The following RNPC3 variants were observed in gnomAD, a reference collection of about 807,000 sequenced individuals.
The protein encoded by RNPC3 is RNA binding region (RNP1, RRM) containing 3, also known as RNA-binding region-containing protein 3.
A neutral mutation model predicts 67.5 loss-of-function variants in RNPC3; 48 were observed. The observed-to-expected ratio is 0.71, with a 90% CI of 0.56 to 0.90. The LOEUF is 0.90. Among genes scored for constraint, RNPC3 ranks in the 40% least tolerant of loss-of-function variants. The pLI, the probability that RNPC3 is intolerant of heterozygous loss-of-function variation, is 0.00. For missense variants in RNPC3, 637 were observed against 626.1 expected (o/e 1.02, Z -0.19); for synonymous variants, 239 against 210.3 (o/e 1.14, Z -1.18).
At chr1:103,526,380 G>T in intron 1 of RNPC3, 118 bp downstream of exon 1, 1 of 766,102 alleles carries the variant, frequency 1.3e-6, no homozygotes. Flanking sequence ...TGTGATGAGA[G>T]CTCCCCCATC....
At chr1:103,549,494 G>A (rs959656483) in intron 12 of RNPC3, among the ~76,000 whole-genome samples, 20 of 151,538 alleles carry the variant, frequency 1.3e-4, no homozygotes, top group African/African-American at 4.6e-4. Context: ...TTTCTTTGTT[G>A]CCATCTTTGA....
In RNPC3 at chr1:103,546,960, T is replaced by TC; in HGVS notation, c.1303-16dup. 7.6e-7 allele frequency: 1 copy of TC among 1,321,664 alleles called. No individual in the cohort carries two copies. Among genetic ancestry groups the TC allele is most frequent in the Non-Finnish European group, 1.0e-6 (1 of 968,808 alleles). 81.9% of individuals were successfully genotyped at this position (1,321,664 alleles called of 1,614,324 possible). On this transcript the variant is annotated splice_polypyrimidine_tract_variant and intron_variant, in intron 11 of 14. Coordinates refer to ENST00000423855, the MANE Select transcript of RNPC3 (RefSeq NM_017619.4). ...CCCCTGGCTTTGTTATTTGTCTTTT[T>TC]CTTATTGAAATTCTAGGACCTTAAA...
chr1:103,546,086 TG>T (rs1651237144), intron 10 of RNPC3, 161 bp from the exon 11 acceptor site: 2 of 384,388 alleles, frequency 5.2e-6, no homozygotes, highest in South Asian at 1.1e-4. Flanking sequence ...TTAGTTCATA[TG>T]AAAATGAACT....
intron 13 of RNPC3, chr1:103,551,277 G>A (rs937739880): frequency 6.0e-6 from 3 of 501,814 alleles, no homozygotes; most frequent in Non-Finnish European, 1.0e-5. Flanking sequence ...GCATGAGGTT[G>A]TTCAATTTCA....
rs1208747253 is a variant in RNPC3, at chr1:103,555,071, C to G, written c.*50C>G. 1 of 151,812 alleles carries G rather than the reference C, an allele frequency of 6.6e-6. No individual in the cohort carries two copies. The highest frequency in any genetic ancestry group is 2.4e-5 in the African/African-American group (1 of 41,328). The allele number at this position is 151,812 out of a possible 1,614,324, so 9.4% of individuals were successfully genotyped here. A position where few individuals can be genotyped will look rare whatever the true frequency, so the allele number is the denominator to read the frequency against. ...CCCGTGTCCTTCAAGTGCTTTCTAA[C>G]TTTGAGAGGAAGAAATTGACCACCT... is the stretch of plus-strand genomic sequence containing the variant. On this transcript the variant is annotated 3_prime_UTR_variant, in exon 15 of 15. Transcript: ENST00000423855.
chr1:103,539,419 A>T (rs1325369206), intron 7 of RNPC3, among the ~76,000 whole-genome samples: 1 of 152,254 alleles, frequency 6.6e-6, no homozygotes, highest in Non-Finnish European at 1.5e-5. Flanking sequence ...TGTCTTAAAA[A>T]GAGACATTTA....
intron 12 of RNPC3, among the ~76,000 whole-genome samples, chr1:103,549,804 GT>G (rs1651341420): frequency 1.3e-5 from 2 of 152,076 alleles, no homozygotes; most frequent in Admixed American, 1.3e-4. Context: ...TAAAATTATG[GT>G]TTTAATTAGA....
At chr1:103,532,820 T>C (rs998029944) in intron 2 of RNPC3, among the ~76,000 whole-genome samples, 1 of 152,080 alleles carries the variant, frequency 6.6e-6, no homozygotes, top group Non-Finnish European at 1.5e-5. Context: ...AAATTTGTTG[T>C]CTATGATAAG....
At position 103,546,228 on chromosome 1, in the gene RNPC3, G is replaced by T; in HGVS notation, c.1208-20G>T. 2 of 1,158,696 alleles carry T rather than the reference G, an allele frequency of 1.7e-6. No individual in the cohort carries two copies. Among genetic ancestry groups the T allele is most frequent in the Non-Finnish European group, 2.3e-6 (2 of 876,538 alleles). 71.8% of individuals were successfully genotyped at this position (1,158,696 alleles called of 1,614,324 possible). On this transcript the variant is annotated intron_variant, in intron 10 of 14. Transcript: ENST00000423855. ...TAAAATATTTTAATTTTATATCTTT[G>T]TTTTTTGTTTTTTAATAAGAAATGG...
chr1:103,538,065 G>A (rs559836522), intron 7 of RNPC3, among the ~76,000 whole-genome samples: 57 of 151,946 alleles, frequency 3.8e-4, no homozygotes, highest in Admixed American at 7.2e-4. Flanking sequence ...GGCTGGTCTC[G>A]AACTCCCAAC....
intron 12 of RNPC3, among the ~76,000 whole-genome samples, chr1:103,547,467 A>T (rs1430129365): frequency 6.6e-6 from 1 of 152,168 alleles, no homozygotes; most frequent in Non-Finnish European, 1.5e-5. Flanking sequence ...CTGGCAAAAC[A>T]GTTTTCTGGG....
Position 103,526,229 on chromosome 1 carries a change from G to T in RNPC3, c.159G>T (p.Gln53His). ...KEDLLKYFGA[Q>H]SVRVLSDKGR... ...ACTTGCTGAAGTACTTCGGGGCTCA[G>T]TCTGTGCGGGTCCTGTCAGATAAGG... Residue 53 changes from glutamine to histidine, a missense_variant, in exon 1 of 15, where the codon CAG becomes CAT. Physicochemically the swap from Gln to His is conservative, Grantham distance 24. Transcript: ENST00000423855. The T allele has an allele frequency of 6.4e-7, 1 of 1,551,018 alleles. No individual in the cohort carries two copies. The highest frequency in any genetic ancestry group is 8.7e-7 in the Non-Finnish European group (1 of 1,146,694).
chr1:103,551,656 T>A, intron 13 of RNPC3, 65 bp from the exon 14 acceptor site: 1 of 1,072,280 alleles, frequency 9.3e-7, no homozygotes, highest in Non-Finnish European at 1.4e-6. Flanking sequence ...TAGAAAGTTT[T>A]TGAGAATTAT....
At chr1:103,548,679 A>G (rs1038142039) in intron 12 of RNPC3, among the ~76,000 whole-genome samples, 1 of 151,242 alleles carries the variant, frequency 6.6e-6, no homozygotes, top group South Asian at 2.1e-4. Flanking sequence ...AACTGTTCCA[A>G]CGTCTGCCTG....
intron 8 of RNPC3, among the ~76,000 whole-genome samples, chr1:103,541,833 T>A (rs759829235): frequency 6.6e-6 from 1 of 152,080 alleles, no homozygotes; most frequent in Non-Finnish European, 1.5e-5. Flanking sequence ...ACTAGTGTAA[T>A]ATATTAGTGA....
chr1:103,551,050 C>T lies in RNPC3; in HGVS notation c.1471C>T (p.Leu491Phe). The change falls in exon 13 of 15, where the codon CTT becomes TTT. Residue 491 changes from leucine (L) to phenylalanine (F), a missense_variant. Around this residue, in one of 3 missense-constraint regions of RNPC3, gnomAD observed 96 missense variants for 105.8 expected, o/e 0.91. Transcript: ENST00000423855. ...KALKEANGYV[L>F]FGKPMVVQFA... ...CTTAAAGGAAGCTAATGGATATGTG[C>T]TTTTTGGAAAACCCATGGTGGTTGT... 6.2e-7 allele frequency: 1 copy of T among 1,611,752 alleles called. No individual in the cohort carries two copies. Among genetic ancestry groups the T allele is most frequent in the Non-Finnish European group, 8.5e-7 (1 of 1,178,982 alleles).
At chr1:103,543,590 T>C (rs770107312) in intron 9 of RNPC3, 143 bp downstream of exon 9, 4 of 613,608 alleles carry the variant, frequency 6.5e-6, no homozygotes, top group Non-Finnish European at 1.0e-5. Flanking sequence ...TGGAATAATA[T>C]CCGCTTTCAA....
At chr1:103,537,628 A>C in intron 7 of RNPC3, 144 bp downstream of exon 7, 1 of 594,558 alleles carries the variant, frequency 1.7e-6, no homozygotes. Context: ...CACCTCAGGC[A>C]TATATAGCAG....
At chr1:103,536,233 T>A (rs1650984142) in intron 6 of RNPC3, 39 bp downstream of exon 6, 1 of 1,424,594 alleles carries the variant, frequency 7.0e-7, no homozygotes, top group Non-Finnish European at 9.6e-7. Context: ...AAAATTTCTC[T>A]TCCTGAATGG....
Sources: gnomAD v4.1 joint callset for allele counts (sites outside exome capture counted in the v4.1 genomes callset) on GRCh38, gnomAD v4.1.1 for gene constraint, gnomAD v4.1.1 regional missense constraint, MANE v1.5 for transcripts, NCBI Gene and HGNC (gene_info 2026-07-23, HGNC 2026-07-21) for gene names.